The following CNTLN variants were observed in gnomAD, a reference collection of about 807,000 sequenced individuals.
The protein encoded by CNTLN is centlein, also known as centlein, centrosomal protein.
CNTLN carries 212 observed loss-of-function variants against 180.0 expected under a neutral mutation model. The observed-to-expected ratio is 1.18, with a 90% CI of 1.05 to 1.32. The LOEUF (loss-of-function observed/expected upper bound fraction) is 1.32, where lower values mean the gene tolerates loss of function less well. Among genes scored for constraint, CNTLN ranks in the 40% most tolerant of loss-of-function variants. The pLI, the probability that CNTLN is intolerant of heterozygous loss-of-function variation, is 0.00. For synonymous variants in CNTLN, 722 were observed against 563.1 expected, an observed-to-expected ratio of 1.28 and a Z score of -3.99; for missense variants, 2,095 against 1,610.9, an observed-to-expected ratio of 1.30 and a Z score of -5.14.
chr9:17,341,479 A>G (rs1318288170), intron 11 of CNTLN, among the ~76,000 whole-genome samples: 2 of 152,144 alleles, frequency 1.3e-5, no homozygotes, highest in African/African-American at 4.8e-5. Context: ...TCTCAGTTCA[A>G]TTGCTCTGAA....
In CNTLN at chr9:17,330,822, G is replaced by A; in HGVS notation, c.1518+14G>A. 1 of 1,586,784 alleles carries A rather than the reference G, an allele frequency of 6.3e-7. No individual in the cohort carries two copies. On this transcript the variant is annotated intron_variant, in intron 9 of 25. Transcript: ENST00000380647. Reference sequence around the variant, plus strand: ...GGAAAACATAAGGTAGGGACATTTTGTCATTTTGTGAATTTGCCAGGATGA... The same window carrying A: ...GGAAAACATAAGGTAGGGACATTTTATCATTTTGTGAATTTGCCAGGATGA...
intron 10 of CNTLN, among the ~76,000 whole-genome samples, chr9:17,334,943 G>C (rs1323136511): frequency 1.3e-5 from 2 of 149,820 alleles, no homozygotes; most frequent in African/African-American, 4.9e-5. Context: ...ATTTTCAATT[G>C]GCAAGCTAGA....
chr9:17,179,243 C>CAAAA (rs775986829), intron 2 of CNTLN, among the ~76,000 whole-genome samples: 2 of 62,146 alleles, frequency 3.2e-5, no homozygotes, highest in South Asian at 5.1e-4. Flanking sequence ...GACTCCGTCT[C>CAAAA]AAAAAAAAAA....
intron 2 of CNTLN, among the ~76,000 whole-genome samples, chr9:17,221,398 T>G (rs1166513777): frequency 6.6e-6 from 1 of 152,090 alleles, no homozygotes; most frequent in Admixed American, 6.6e-5. Flanking sequence ...ATTTTATTAT[T>G]AATATAAGAA....
In CNTLN at chr9:17,332,627, G is replaced by T; in HGVS notation, c.1541G>T (p.Arg514Met). 6.2e-7 allele frequency: 1 copy of T among 1,607,290 alleles called. No individual in the cohort carries two copies. Among genetic ancestry groups the T allele is most frequent in the South Asian group, 1.1e-5 (1 of 89,754 alleles). Reference protein sequence around the residue: ...KHKEPPVKRSRSLSPKSSFTD... With the variant: ...KHKEPPVKRSMSLSPKSSFTD... ...GAGGAACCACCTGTGAAACGTTCAA[G>T]GTCTTTGTCCCCAAAGAGCTCTTTC... Residue 514 changes from arginine (R) to methionine (M), a missense_variant, in exon 10 of 26, where the codon AGG (arginine) becomes ATG (methionine). Transcript: ENST00000380647.
Position 17,296,783 on chromosome 9 carries a change from A to G in CNTLN, c.984-1407A>G, listed in dbSNP as rs116920016. On this transcript the variant is annotated intron_variant, in intron 6 of 25. Transcript: ENST00000380647. ...TTCAGTTTTTTGAATTGTTACAGGA[A>G]AATTGTGTATATCCATGTATCTGTA... Among the ~76,000 whole-genome samples the G allele has an allele frequency of 5.1e-4, 78 of 152,244 alleles. No individual in the cohort carries two copies. The East Asian group carries it at 0.014, about 27-fold the overall frequency.
At chr9:17,471,219 C>T (rs796278681) in intron 23 of CNTLN, among the ~76,000 whole-genome samples, 3 of 152,042 alleles carry the variant, frequency 2.0e-5, no homozygotes, top group African/African-American at 7.2e-5. Flanking sequence ...AGTCTTTCAG[C>T]CACGAATTTT....
chr9:17,285,331 A>G (rs1381967395), intron 6 of CNTLN, among the ~76,000 whole-genome samples: 2 of 149,790 alleles, frequency 1.3e-5, no homozygotes, highest in Admixed American at 6.6e-5. Context: ...AAAGGACACG[A>G]ACTCATCATT....
At chr9:17,521,010 A>G in the CNTLN span, among the ~76,000 whole-genome samples, 218 of 152,320 alleles carry the variant, frequency 1.4e-3, no homozygotes, top group African/African-American at 5.0e-3. Flanking sequence ...TTGCACTAGA[A>G]TTGAAAACTG....
chr9:17,341,035 G>T, intron 11 of CNTLN, 87 bp downstream of exon 11: 1 of 1,223,466 alleles, frequency 8.2e-7, no homozygotes, highest in East Asian at 3.0e-5. Flanking sequence ...GCTTTTGTTT[G>T]GTTTTAAAGA....
At chr9:17,519,923 A>T in the CNTLN span, among the ~76,000 whole-genome samples, 1 of 152,218 alleles carries the variant, frequency 6.6e-6, no homozygotes, top group Non-Finnish European at 1.5e-5. Flanking sequence ...GCATGCCGGG[A>T]AATGTGCTAA....
the CNTLN span, among the ~76,000 whole-genome samples, chr9:17,510,423 A>G: frequency 6.6e-6 from 1 of 152,178 alleles, no homozygotes; most frequent in Non-Finnish European, 1.5e-5. Context: ...TTTGTGTGTC[A>G]ACCTGATTGG....
At chr9:17,479,702 T>C (rs1832535897) in intron 23 of CNTLN, among the ~76,000 whole-genome samples, 1 of 151,896 alleles carries the variant, frequency 6.6e-6, no homozygotes, top group African/African-American at 2.4e-5. Context: ...ACAATAAAAT[T>C]AGAAGAAAAG....
In CNTLN at chr9:17,441,045, ATAAACT is replaced by A. The variant is rs531230026; in HGVS notation, c.3115-16474_3115-16469del. On this transcript the variant is annotated intron_variant, in intron 18 of 25. Transcript: ENST00000380647. The stretch of plus-strand genomic sequence containing the variant: ...TAAATATACAAAACATCCTTAAGAA[ATAAACT>A]TAAAGAAGTGTACACCACCTTTAAA... Among the ~76,000 whole-genome samples the A allele has an allele frequency of 5.2e-4, 55 of 105,878 alleles. 1 individual carries two copies. Among genetic ancestry groups the A allele is most frequent in the African/African-American group, 1.9e-3 (52 of 27,448 alleles). The allele number at this position is 105,878 out of a possible 152,430, so 69.5% of individuals were successfully genotyped here. A position where few individuals can be genotyped will look rare whatever the true frequency, so the allele number is the denominator to read the frequency against.
intron 2 of CNTLN, among the ~76,000 whole-genome samples, chr9:17,147,738 A>C (rs1242863460): frequency 6.6e-6 from 1 of 152,194 alleles, no homozygotes. Context: ...TTTTAGGGTT[A>C]TAGTATATTC....
intron 8 of CNTLN, among the ~76,000 whole-genome samples, chr9:17,323,935 T>A (rs1298534530): frequency 6.6e-6 from 1 of 152,226 alleles, no homozygotes; most frequent in Non-Finnish European, 1.5e-5. Flanking sequence ...GTTGTTGTTT[T>A]TTTCATTACC....
intron 2 of CNTLN, among the ~76,000 whole-genome samples, chr9:17,190,290 C>A (rs1460791972): frequency 1.3e-5 from 2 of 151,546 alleles, no homozygotes; most frequent in Non-Finnish European, 2.9e-5. Flanking sequence ...TTTTTTAAGG[C>A]AGCAGGATAA....
At chr9:17,397,383 G>T (rs10756879) in intron 15 of CNTLN, among the ~76,000 whole-genome samples, 132,317 of 152,202 alleles carry the variant, frequency 0.87, 57,821 homozygotes, top group Non-Finnish European at 0.92. Flanking sequence ...CCTGACTATA[G>T]GCTAAACAAG....
Position 17,502,596 on chromosome 9 carries a change from A to C in CNTLN, c.4165A>C (p.Asn1389His), listed in dbSNP as rs754203558. ...YLLEAVLEKI[N>H]EKKKLVEGYF... Reference sequence around the variant, plus strand: ...ACTAGAAGCAGTACTGGAAAAAATAAATGAAAAAAAGAAACTAGTTGAAGG... The same window carrying C: ...ACTAGAAGCAGTACTGGAAAAAATACATGAAAAAAAGAAACTAGTTGAAGG... Residue 1389 changes from asparagine to histidine, a missense_variant, in exon 26 of 26, where the codon AAT becomes CAT. Asn to His is a moderately conservative substitution (Grantham distance 68, BLOSUM62 1). Coordinates refer to ENST00000380647, the MANE Select transcript of CNTLN (RefSeq NM_017738.4). 7 of 1,416,304 alleles carry C rather than the reference A, an allele frequency of 4.9e-6. No homozygotes were observed. Among genetic ancestry groups the C allele is most frequent in the Non-Finnish European group, 6.8e-6 (7 of 1,035,704 alleles). 87.7% of individuals were successfully genotyped at this position (1,416,304 alleles called of 1,614,324 possible).
Sources: gnomAD v4.1 joint callset for allele counts (sites outside exome capture counted in the v4.1 genomes callset) on GRCh38, gnomAD v4.1.1 for gene constraint, MANE v1.5 for transcripts, NCBI Gene and HGNC (gene_info 2026-07-23, HGNC 2026-07-21) for gene names.